ZNF43: variants seen among roughly 807,000 people sequenced by gnomAD.
The protein encoded by ZNF43 is zinc finger protein 39-like 1 (KOX 27).
A neutral mutation model predicts 68.4 loss-of-function variants in ZNF43; 44 were observed. The ratio of observed to expected loss-of-function variants is 0.64; its 90% CI spans 0.51 to 0.83. The LOEUF is 0.83. ZNF43 is among the 40% of genes least tolerant of loss of function. The pLI is 0.00. For synonymous variants in ZNF43, 308 were observed against 307.8 expected (o/e 1.00, Z -0.01); for missense variants, 896 against 933.2 (o/e 0.96, Z 0.52).
chr19:21,829,014 AAGAG>A (rs1463488208), intron 1 of ZNF43, among the ~76,000 whole-genome samples: 5 of 132,122 alleles, frequency 3.8e-5, no homozygotes, highest in Non-Finnish European at 4.7e-5. Flanking sequence ...GCCTGGGCGA[AAGAG>A]AGAGACTCTG....
chr19:21,846,019 C>G (rs578198519), intron 1 of ZNF43, among the ~76,000 whole-genome samples: 26 of 151,912 alleles, frequency 1.7e-4, no homozygotes, highest in Admixed American at 1.1e-3. Context: ...AGTCACATTA[C>G]CTAAATGCTG....
chr19:21,851,539 CAAA>C lies in ZNF43; in HGVS notation c.30+363_30+365del, dbSNP rs759516277. Among the ~76,000 whole-genome samples, 153 of 64,836 alleles carry C rather than the reference CAAA, an allele frequency of 2.4e-3. 2 individuals are homozygous for C. The highest frequency in any genetic ancestry group is 5.8e-3 in the African/African-American group (121 of 20,840). The allele number at this position is 64,836 out of a possible 152,430, so 42.5% of individuals were successfully genotyped here. On this transcript the variant is annotated intron_variant, in intron 1 of 3. Coordinates refer to the ZNF43 transcript ENST00000357491. ...TGGGCGACATAGCAAGATTCCCTCTCAAAAAAAAAAAAAAAAAAAAAAAATTAA... is the reference window on the plus strand; with the variant it reads ...TGGGCGACATAGCAAGATTCCCTCTCAAAAAAAAAAAAAAAAAAAAATTAA...
chr19:21,848,616 C>CTAGCACCT (rs1410309724), intron 1 of ZNF43, among the ~76,000 whole-genome samples: 3 of 151,904 alleles, frequency 2.0e-5, no homozygotes, highest in African/African-American at 7.2e-5. Flanking sequence ...GTGCTGGGAC[C>CTAGCACCT]AGTGATATGT....
chr19:21,847,203 G>A (rs1313872929), intron 1 of ZNF43, among the ~76,000 whole-genome samples: 1 of 152,038 alleles, frequency 6.6e-6, no homozygotes, highest in Non-Finnish European at 1.5e-5. Flanking sequence ...CAGAAGAGGA[G>A]AGTCACATCT....
chr19:21,828,053 C>G (rs1275570484), intron 1 of ZNF43, among the ~76,000 whole-genome samples: 1 of 152,076 alleles, frequency 6.6e-6, no homozygotes. Flanking sequence ...ATGAAAGACA[C>G]TAAAATTAAG....
chr19:21,841,031 A>C (rs1967495198), upstream of ZNF43: 1 of 152,178 alleles, frequency 6.6e-6, no homozygotes. Flanking sequence ...TGACAATGCT[A>C]ACATTTGGTA....
In ZNF43 at chr19:21,808,419, AT is replaced by A. The variant is rs2037077915; in HGVS notation, c.1617del (p.Lys539AsnfsTer104). On this transcript the variant is annotated frameshift_variant, in exon 4 of 4. Coordinates refer to ENST00000354959, the MANE Select transcript of ZNF43 (RefSeq NM_003423.4). LOFTEE classifies it high-confidence loss of function. ...TTAAAAGCTTTGCCACATTCTTCAC[AT>A]TTGTAGGGTTTCTCTCCAGTATGAG... Reference protein sequence around the residue: ...KITHTGEKPYKCEECGKAFNH... With the variant: ...KITHTGEKPYXCEECGKAFNH... The A allele has an allele frequency of 1.2e-6, 2 of 1,613,100 alleles. No individual in the cohort carries two copies. Among genetic ancestry groups the A allele is most frequent in the Non-Finnish European group, 1.7e-6 (2 of 1,179,892 alleles).
chr19:21,838,894 C>T (rs1158028944), upstream of ZNF43: 1 of 152,116 alleles, frequency 6.6e-6, no homozygotes, highest in Non-Finnish European at 1.5e-5. Context: ...AGGAGGTCAG[C>T]ACAAGATAAA....
intron 1 of ZNF43, among the ~76,000 whole-genome samples, chr19:21,828,911 T>C (rs144257980): frequency 0.049 from 7,441 of 150,980 alleles, 402 homozygotes; most frequent in African/African-American, 0.14. Context: ...CGGGCGCCTA[T>C]ACTCCCAGCT....
rs1047220836 is a variant in ZNF43, at chr19:21,843,979, ATATGAG to A, written c.30+7920_30+7925del. On this transcript the variant is annotated intron_variant, in intron 1 of 3. Coordinates refer to the ZNF43 transcript ENST00000357491. ...AATATTTACTGTTGGCTGGTTGCGC[ATATGAG>A]TATAACAATGTCACCTGTGTGCTGG... Among the ~76,000 whole-genome samples, 139 of 152,246 alleles carry A rather than the reference ATATGAG, an allele frequency of 9.1e-4. 1 individual carries two copies. Among genetic ancestry groups the A allele is most frequent in the East Asian group, 3.1e-3 (16 of 5,190 alleles).
At chr19:21,835,647 G>T (rs1198427105) in intron 1 of ZNF43, among the ~76,000 whole-genome samples, 1 of 151,924 alleles carries the variant, frequency 6.6e-6, no homozygotes, top group Admixed American at 6.6e-5. Context: ...GACCCACCGC[G>T]CCCGGCCGAC....
In ZNF43 at chr19:21,807,371, G is replaced by A. The variant is rs1041313954; in HGVS notation, c.*236C>T. ...TTAAGTACAGACTCTCTGATGTTGA[G>A]TAAGATATGAGCACATATTAATGGC... On this transcript the variant is annotated 3_prime_UTR_variant, in exon 4 of 4. Coordinates refer to ENST00000354959, the MANE Select transcript of ZNF43 (RefSeq NM_003423.4). 4 of 362,854 alleles carry A rather than the reference G, an allele frequency of 1.1e-5. No homozygotes were observed. The highest frequency in any genetic ancestry group is 4.2e-5 in the Admixed American group (1 of 24,076). The allele number at this position is 362,854 out of a possible 1,614,324, so 22.5% of individuals were successfully genotyped here. A position where few individuals can be genotyped will look rare whatever the true frequency, so the allele number is the denominator to read the frequency against.
chr19:21,846,207 G>C (rs1470213675), intron 1 of ZNF43, among the ~76,000 whole-genome samples: 1 of 152,118 alleles, frequency 6.6e-6, no homozygotes, highest in Non-Finnish European at 1.5e-5. Context: ...GCAGGGTCTA[G>C]CTATGAGAGG....
At chr19:21,841,355 GGA>G (rs1967521756) in intron 1 of ZNF43, 1 of 152,236 alleles carries the variant, frequency 6.6e-6, no homozygotes, top group African/African-American at 2.4e-5. Flanking sequence ...GGACCAGGCA[GGA>G]GAGTCATATT....
rs1217093615 is a variant in ZNF43, at chr19:21,851,787, G to A, written c.30+118C>T. 5.4e-6 allele frequency: 6 copies of A among 1,118,322 alleles called. No individual in the cohort carries two copies. The Admixed American group carries it at 9.3e-5, about 17-fold the overall frequency. The allele number at this position is 1,118,322 out of a possible 1,614,324, so 69.3% of individuals were successfully genotyped here. A position where few individuals can be genotyped will look rare whatever the true frequency, so the allele number is the denominator to read the frequency against. ...CCCAGCCGCCATCTTGCGGCCAGAG[G>A]GGCCTGGGGCGGAGCTGCGCCAGCG... On this transcript the variant is annotated intron_variant, in intron 1 of 3. Transcript: ENST00000357491.
Position 21,809,810 on chromosome 19 carries a change from GA to G in ZNF43, c.230-4del, listed in dbSNP as rs1044636508. ...TTGGGTAAAATGAGAACACATAACT[GA>G]AAAAAATAAAAATAACAAATTATTC... On this transcript the variant is annotated splice_polypyrimidine_tract_variant and splice_region_variant and intron_variant, in intron 3 of 3. Coordinates refer to ENST00000354959, the MANE Select transcript of ZNF43 (RefSeq NM_003423.4). 4.0e-6 allele frequency: 6 copies of G among 1,494,706 alleles called. No homozygotes were observed. In the African/African-American group the frequency reaches 5.7e-5, roughly 14 times the overall value. 92.6% of individuals were successfully genotyped at this position (1,494,706 alleles called of 1,614,324 possible). A position where few individuals can be genotyped will look rare whatever the true frequency, so the allele number is the denominator to read the frequency against.
rs2145136671 is a variant in ZNF43, at chr19:21,807,367, T to C, written c.*240A>G. The C allele has an allele frequency of 5.6e-6, 2 of 354,438 alleles. No individual in the cohort carries two copies. The highest frequency in any genetic ancestry group is 4.5e-5 in the East Asian group (1 of 22,044). 22.0% of individuals were successfully genotyped at this position (354,438 alleles called of 1,614,324 possible). A position where few individuals can be genotyped will look rare whatever the true frequency, so the allele number is the denominator to read the frequency against. On this transcript the variant is annotated 3_prime_UTR_variant, in exon 4 of 4. Transcript: ENST00000354959. Reference sequence around the variant, plus strand: ...TTTATTAAGTACAGACTCTCTGATGTTGAGTAAGATATGAGCACATATTAA... The same window carrying C: ...TTTATTAAGTACAGACTCTCTGATGCTGAGTAAGATATGAGCACATATTAA...
At chr19:21,814,170 A>G (rs1483596856) in intron 3 of ZNF43, among the ~76,000 whole-genome samples, 2 of 152,194 alleles carry the variant, frequency 1.3e-5, no homozygotes, top group Non-Finnish European at 2.9e-5. Flanking sequence ...CTTTTTAAAA[A>G]ATTACCCTCA....
intron 1 of ZNF43, among the ~76,000 whole-genome samples, chr19:21,843,490 T>C (rs1967681203): frequency 6.6e-6 from 1 of 152,178 alleles, no homozygotes; most frequent in Admixed American, 6.5e-5. Context: ...CTGTGTCTCT[T>C]AGTAAAATCA....
Sources: allele counts gnomAD v4.1 joint callset (sites outside exome capture counted in the v4.1 genomes callset), GRCh38; gene constraint gnomAD v4.1.1; transcripts MANE v1.5; gene names NCBI Gene and HGNC (gene_info 2026-07-23, HGNC 2026-07-21).